Variants in PANX1 observed in about 807,000 individuals in gnomAD.
PANX1 encodes pannexin 1, also known as pannexin-1.
Under a neutral mutation model 38.7 loss-of-function variants are expected in PANX1, and 30 were observed. That is an observed-to-expected ratio of 0.78 (90% CI 0.58 to 1.05). The LOEUF is 1.05. PANX1 is among the 50% of genes least tolerant of loss of function. The pLI, the probability that PANX1 is intolerant of heterozygous loss-of-function variation, is 0.00. For missense variants in PANX1, 551 were observed against 517.2 expected (o/e 1.07, Z -0.63); for synonymous variants, 230 against 212.2 (o/e 1.08, Z -0.73).
At chr11:94,133,782 T>A (rs144041326) in intron 1 of PANX1, among the ~76,000 whole-genome samples, 1 of 152,336 alleles carries the variant, frequency 6.6e-6, no homozygotes, top group African/African-American at 2.4e-5. Flanking sequence ...TCACCAGCCC[T>A]CATTTTTCCT....
chr11:94,129,051 G>A lies in PANX1; in HGVS notation c.-262G>A. 2.9e-6 allele frequency: 1 copy of A among 344,274 alleles called. No homozygotes were observed. The highest frequency in any genetic ancestry group is 5.3e-6 in the Non-Finnish European group (1 of 190,116). The allele number at this position is 344,274 out of a possible 1,614,324, so 21.3% of individuals were successfully genotyped here. A position where few individuals can be genotyped will look rare whatever the true frequency, so the allele number is the denominator to read the frequency against. On this transcript the variant is annotated 5_prime_UTR_variant, in exon 1 of 5. In the 5' UTR this introduces an upstream ATG that the reference lacks. Transcript: ENST00000227638. ...GCGCGGCCCGGGGACTTGCACGGGCGTGCGGGGTGGAACCGCAGGAAGCGG... is the reference window on the plus strand; with the variant it reads ...GCGCGGCCCGGGGACTTGCACGGGCATGCGGGGTGGAACCGCAGGAAGCGG...
rs137932230 is a variant in PANX1, at chr11:94,169,778, C to T, written c.322-8591C>T. Reference sequence around the variant, plus strand: ...CTGGGAGGATCCTGCCATGGAGACTCGGGAGGGAGCATGGCCCTGCTAGCA... The same window carrying T: ...CTGGGAGGATCCTGCCATGGAGACTTGGGAGGGAGCATGGCCCTGCTAGCA... On this transcript the variant is annotated intron_variant, in intron 2 of 4. Coordinates refer to ENST00000227638, the MANE Select transcript of PANX1 (RefSeq NM_015368.4). Among the ~76,000 whole-genome samples, 134 of 151,694 alleles carry T rather than the reference C, an allele frequency of 8.8e-4. 1 individual carries two copies. The highest frequency in any genetic ancestry group is 7.5e-4 in the Non-Finnish European group (51 of 67,998).
At chr11:94,154,349 T>G (rs534035150) in intron 2 of PANX1, among the ~76,000 whole-genome samples, 38 of 152,280 alleles carry the variant, frequency 2.5e-4, no homozygotes, top group African/African-American at 8.4e-4. Flanking sequence ...GTTGATAAGT[T>G]TGTGCAGAAG....
chr11:94,177,944 C>T (rs1402909661), intron 2 of PANX1, among the ~76,000 whole-genome samples: 1 of 151,768 alleles, frequency 6.6e-6, no homozygotes, highest in Admixed American at 6.6e-5. Context: ...TCCCAGATTC[C>T]AGAGTAGGGC....
intron 2 of PANX1, among the ~76,000 whole-genome samples, chr11:94,155,067 G>A (rs1035851805): frequency 1.3e-5 from 2 of 151,882 alleles, no homozygotes; most frequent in African/African-American, 4.8e-5. Context: ...TTAACCAGGC[G>A]TGGCTGGGTG....
intron 2 of PANX1, among the ~76,000 whole-genome samples, chr11:94,167,875 G>A (rs1376453173): frequency 1.3e-5 from 2 of 152,196 alleles, no homozygotes; most frequent in African/African-American, 4.8e-5. Context: ...CAGTGAGAGG[G>A]AATAATCAGC....
chr11:94,162,051 A>G (rs929491455), intron 2 of PANX1, among the ~76,000 whole-genome samples: 29 of 152,134 alleles, frequency 1.9e-4, no homozygotes, highest in African/African-American at 7.0e-4. Flanking sequence ...GTGAGCAGCA[A>G]ATGTTGCTGC....
chr11:94,159,452 G>A (rs1233413276), intron 2 of PANX1, among the ~76,000 whole-genome samples: 3 of 152,176 alleles, frequency 2.0e-5, no homozygotes, highest in African/African-American at 2.4e-5. Flanking sequence ...TCTATTCAGA[G>A]ATTCAACTTC....
chr11:94,159,748 G>A (rs372285327), intron 2 of PANX1, among the ~76,000 whole-genome samples: 1 of 151,778 alleles, frequency 6.6e-6, no homozygotes, highest in South Asian at 2.1e-4. Flanking sequence ...CCTGATGTTA[G>A]TTATTTCTTG....
At chr11:94,130,500 G>A (rs577048998) in intron 1 of PANX1, among the ~76,000 whole-genome samples, 1 of 151,842 alleles carries the variant, frequency 6.6e-6, no homozygotes, top group Admixed American at 6.6e-5. Context: ...AGTGTAGGCT[G>A]ATGGTTTCAG....
chr11:94,179,916 T>A lies in PANX1; in HGVS notation c.860T>A (p.Leu287Gln). ...ATTAACCTTGTGGTTTATGTCCTGC[T>A]GGCTCCCGTGGTTGTCTACACGCTG... is the stretch of plus-strand genomic sequence containing the variant. Reference protein sequence around the residue: ...SVINLVVYVLLAPVVVYTLFV... With the variant: ...SVINLVVYVLQAPVVVYTLFV... The change falls in exon 4 of 5, where the codon CTG (leucine) becomes CAG (glutamine). Residue 287 changes from leucine (L) to glutamine (Q), a missense_variant. By Grantham distance (113) the Leu-to-Gln change is moderately radical. Coordinates refer to ENST00000227638, the MANE Select transcript of PANX1 (RefSeq NM_015368.4). 6.2e-7 allele frequency: 1 copy of A among 1,611,912 alleles called. No homozygotes were observed. The highest frequency in any genetic ancestry group is 1.3e-5 in the African/African-American group (1 of 74,986).
At chr11:94,154,970 G>C (rs1376920414) in intron 2 of PANX1, among the ~76,000 whole-genome samples, 1 of 152,292 alleles carries the variant, frequency 6.6e-6, no homozygotes, top group South Asian at 2.1e-4. Context: ...TGCAAGGTGG[G>C]TGAGGTGGGC....
At chr11:94,178,276 C>T in intron 2 of PANX1, 93 bp from the exon 3 acceptor site, 1 of 942,774 alleles carries the variant, frequency 1.1e-6, no homozygotes, top group Non-Finnish European at 1.7e-6. Flanking sequence ...ACACATTTGT[C>T]TCAAGATGTG....
rs12804697 is a variant in PANX1, at chr11:94,180,526, T to C, written c.1202-264T>C. 0.1 allele frequency among the ~76,000 whole-genome samples: 15,305 copies of C among 152,204 alleles called. 845 individuals carry two copies. The highest frequency in any genetic ancestry group is 0.19 in the East Asian group (990 of 5,160). On this transcript the variant is annotated intron_variant, in intron 4 of 4. Transcript: ENST00000227638. ...CCTCTTCTCTGTCTGTCTCACACTCTCTCTTGCTCAGCAATCTTCCTTGTC... is the reference window on the plus strand; with the variant it reads ...CCTCTTCTCTGTCTGTCTCACACTCCCTCTTGCTCAGCAATCTTCCTTGTC...
intron 2 of PANX1, among the ~76,000 whole-genome samples, chr11:94,156,302 T>C (rs1340478887): frequency 5.3e-5 from 8 of 152,298 alleles, no homozygotes; most frequent in Admixed American, 3.3e-4. Flanking sequence ...AAACCTTAAG[T>C]TACCTGGTAT....
chr11:94,172,083 CAT>C (rs1947176724), intron 2 of PANX1, among the ~76,000 whole-genome samples: 1 of 151,644 alleles, frequency 6.6e-6, no homozygotes, highest in Admixed American at 6.5e-5. Context: ...TAAGTAGACT[CAT>C]AGAAACTTGG....
chr11:94,156,122 T>C (rs1360629734), intron 2 of PANX1, among the ~76,000 whole-genome samples: 3 of 152,114 alleles, frequency 2.0e-5, no homozygotes, highest in African/African-American at 7.2e-5. Flanking sequence ...AACTGAAAGA[T>C]TTTTTATCCA....
rs1591530128 is a variant in PANX1 at position 94,181,516 on chromosome 11, C to G, written c.*647C>G. ...TGAAGGGCAGCAGGCCCAAGTGCTG[C>G]TCTGACTGAAAACTGAGTTAACAAG... On this transcript the variant is annotated 3_prime_UTR_variant, in exon 5 of 5. Transcript: ENST00000227638. The G allele has an allele frequency of 6.6e-6, 1 of 152,370 alleles. No homozygotes were observed. Among genetic ancestry groups the G allele is most frequent in the East Asian group, 1.9e-4 (1 of 5,188 alleles). 9.4% of individuals were successfully genotyped at this position (152,370 alleles called of 1,614,324 possible). A position where few individuals can be genotyped will look rare whatever the true frequency, so the allele number is the denominator to read the frequency against.
intron 2 of PANX1, among the ~76,000 whole-genome samples, chr11:94,168,270 G>A (rs1303650898): frequency 6.6e-6 from 1 of 152,182 alleles, no homozygotes; most frequent in Non-Finnish European, 1.5e-5. Context: ...GGGGGCATTG[G>A]GGCCTTGATT....
Sources: gnomAD v4.1 joint callset for allele counts (sites outside exome capture counted in the v4.1 genomes callset) on GRCh38, gnomAD v4.1.1 for gene constraint, MANE v1.5 for transcripts, NCBI Gene and HGNC (gene_info 2026-07-23, HGNC 2026-07-21) for gene names.